The following MYO1E variants were observed in gnomAD, a reference collection of about 807,000 sequenced individuals.
MYO1E encodes myosin IE, also known as unconventional myosin-Ie.
A neutral mutation model predicts 151.1 loss-of-function variants in MYO1E; 68 were observed. That is an observed-to-expected ratio of 0.45 (90% CI 0.37 to 0.55). MYO1E has a LOEUF of 0.55. Among genes scored for constraint, MYO1E ranks in the 20% least tolerant of loss-of-function variants. The pLI, the probability that MYO1E is intolerant of heterozygous loss-of-function variation, is 0.00. For missense variants in MYO1E, 1,363 were observed against 1,389.3 expected, an observed-to-expected ratio of 0.98 and a Z score of 0.30; for synonymous variants, 601 against 501.7, an observed-to-expected ratio of 1.20 and a Z score of -2.64.
intron 1 of MYO1E, among the ~76,000 whole-genome samples, chr15:59,304,782 T>G (rs2080504936): frequency 6.6e-6 from 1 of 152,236 alleles, no homozygotes. Flanking sequence ...TGTTGTCAAT[T>G]AAGCTACAAA....
intron 23 of MYO1E, among the ~76,000 whole-genome samples, chr15:59,161,491 T>C (rs2079538293): frequency 6.6e-6 from 1 of 152,136 alleles, no homozygotes; most frequent in Non-Finnish European, 1.5e-5. Flanking sequence ...ATCTGGCTAA[T>C]GTGCCAGTGC....
intron 1 of MYO1E, among the ~76,000 whole-genome samples, chr15:59,277,548 C>CAAAAA (rs1166969756): frequency 2.3e-5 from 1 of 42,944 alleles, no homozygotes; most frequent in African/African-American, 8.0e-5. Flanking sequence ...CATCCCCCCA[C>CAAAAA]AAAAAAAAAA....
chr15:59,163,734 A>G (rs1353298902), intron 22 of MYO1E, among the ~76,000 whole-genome samples: 1 of 152,194 alleles, frequency 6.6e-6, no homozygotes, highest in Non-Finnish European at 1.5e-5. Flanking sequence ...TAGCTATTGT[A>G]GTAAATTTGA....
At chr15:59,252,878 T>C (rs1328727326) in intron 4 of MYO1E, among the ~76,000 whole-genome samples, 2 of 152,086 alleles carry the variant, frequency 1.3e-5, no homozygotes, top group Admixed American at 1.3e-4. Flanking sequence ...AGAATGAGAC[T>C]TGGTCTCAAA....
At chr15:59,338,160 T>TA (rs11390470) in intron 1 of MYO1E, among the ~76,000 whole-genome samples, 26,370 of 141,728 alleles carry the variant, frequency 0.19, 2,924 homozygotes, top group African/African-American at 0.34. Context: ...TGTTCAAGTC[T>TA]AAAAAAAAAA....
At chr15:59,267,761 AC>A (rs1435828322) in intron 2 of MYO1E, among the ~76,000 whole-genome samples, 2 of 152,344 alleles carry the variant, frequency 1.3e-5, no homozygotes, top group African/African-American at 4.8e-5. Context: ...CTCCCTATGC[AC>A]AATAGACAAC....
chr15:59,151,106 T>C (rs1474735505), intron 26 of MYO1E, among the ~76,000 whole-genome samples: 2 of 151,932 alleles, frequency 1.3e-5, no homozygotes, highest in African/African-American at 4.8e-5. Context: ...GCATCCACTC[T>C]ACTGATGGCT....
chr15:59,226,397 C>T (rs1451381434), intron 7 of MYO1E, among the ~76,000 whole-genome samples: 1 of 152,072 alleles, frequency 6.6e-6, no homozygotes, highest in African/African-American at 2.4e-5. Flanking sequence ...GGTCTTTCTT[C>T]GAAGAAAGTC....
chr15:59,186,118 C>T (rs763689282), intron 18 of MYO1E, among the ~76,000 whole-genome samples: 17 of 152,214 alleles, frequency 1.1e-4, no homozygotes, highest in Middle Eastern at 3.2e-3. Flanking sequence ...CCTGCTTACA[C>T]TATAGGCGTA....
At chr15:59,337,359 A>G (rs1454557222) in intron 1 of MYO1E, among the ~76,000 whole-genome samples, 1 of 152,220 alleles carries the variant, frequency 6.6e-6, no homozygotes, top group Non-Finnish European at 1.5e-5. Flanking sequence ...TGTGTTATCC[A>G]TATCTACAAC....
intron 4 of MYO1E, among the ~76,000 whole-genome samples, chr15:59,249,511 C>T (rs1429224806): frequency 2.6e-5 from 4 of 151,902 alleles, no homozygotes; most frequent in Admixed American, 6.6e-5. Flanking sequence ...GTATCCACTG[C>T]GTTGGAAAAT....
At position 59,159,284 on chromosome 15, in the gene MYO1E, A is replaced by G. The variant is rs76709177; in HGVS notation, c.2786-905T>C. Among the ~76,000 whole-genome samples, 3,387 of 152,272 alleles carry G rather than the reference A, an allele frequency of 0.022. 137 individuals are homozygous for G. The highest frequency in any genetic ancestry group is 0.076 in the African/African-American group (3,159 of 41,540). On this transcript the variant is annotated intron_variant, in intron 24 of 27. Coordinates refer to ENST00000288235, the MANE Select transcript of MYO1E (RefSeq NM_004998.4). The surrounding 1 kb of genome is among the most constrained non-coding windows in gnomAD (Gnocchi z 4.4). The stretch of plus-strand genomic sequence containing the variant: ...TAGGCCACTCTCGCCACCCCAAATA[A>G]GATAGAATCCAACACCTATTGGGCA...
chr15:59,258,308 T>C (rs1218635716), intron 3 of MYO1E, among the ~76,000 whole-genome samples: 2 of 152,110 alleles, frequency 1.3e-5, no homozygotes, highest in South Asian at 2.1e-4. Context: ...GATTGCAGTA[T>C]TGCACTCCAG....
intron 26 of MYO1E, among the ~76,000 whole-genome samples, chr15:59,152,673 T>C (rs2079488771): frequency 6.6e-6 from 1 of 152,172 alleles, no homozygotes; most frequent in African/African-American, 2.4e-5. Flanking sequence ...CCAACAAGTT[T>C]GCTGCAAGTT....
intron 4 of MYO1E, among the ~76,000 whole-genome samples, chr15:59,241,669 A>ACTCCAG (rs2080100354): frequency 1.3e-5 from 2 of 152,188 alleles, no homozygotes; most frequent in African/African-American, 2.4e-5. Context: ...GCACGACTGC[A>ACTCCAG]CTCCAGCCTC....
chr15:59,193,345 G>A (rs918142783), intron 17 of MYO1E, among the ~76,000 whole-genome samples: 4 of 152,180 alleles, frequency 2.6e-5, no homozygotes, highest in African/African-American at 7.2e-5. Context: ...TCTAACAGCT[G>A]GGCTGGAGTG....
At chr15:59,307,256 T>C (rs2080520014) in intron 1 of MYO1E, among the ~76,000 whole-genome samples, 1 of 152,148 alleles carries the variant, frequency 6.6e-6, no homozygotes, top group Non-Finnish European at 1.5e-5. Flanking sequence ...TCCGGGCATC[T>C]CCAGTGGCAC....
intron 1 of MYO1E, among the ~76,000 whole-genome samples, chr15:59,368,612 G>C (rs2080927726): frequency 6.6e-6 from 1 of 152,136 alleles, no homozygotes; most frequent in Admixed American, 6.5e-5. Flanking sequence ...TGGGCGTTGT[G>C]GCAGGCACCT....
chr15:59,368,128 T>A (rs1239414039), intron 1 of MYO1E, among the ~76,000 whole-genome samples: 2 of 151,466 alleles, frequency 1.3e-5, no homozygotes, highest in Non-Finnish European at 2.9e-5. Flanking sequence ...TCAAAATAAA[T>A]AAAAATAAGA....
Sources: gnomAD v4.1 joint callset for allele counts (sites outside exome capture counted in the v4.1 genomes callset) on GRCh38, gnomAD v4.1.1 for gene constraint, Gnocchi (gnomAD v3.1) non-coding constraint, MANE v1.5 for transcripts, NCBI Gene and HGNC (gene_info 2026-07-23, HGNC 2026-07-21) for gene names.